Variants in CADM2 observed in about 807,000 individuals in gnomAD.
CADM2 encodes cell adhesion molecule 2.
In CADM2, 12 loss-of-function variants were observed where a neutral mutation model predicts 49.8. The ratio of observed to expected loss-of-function variants is 0.24; its 90% CI spans 0.15 to 0.39. CADM2 has a LOEUF of 0.39. Among genes scored for constraint, CADM2 ranks in the 10% least tolerant of loss-of-function variants. The pLI is 1.00. For synonymous variants in CADM2, 214 were observed against 175.4 expected, an observed-to-expected ratio of 1.22 and a Z score of -1.74; for missense variants, 378 against 492.3, an observed-to-expected ratio of 0.77 and a Z score of 2.20.
chr3:85,276,162 A>G (rs1367269276), intron 1 of CADM2, among the ~76,000 whole-genome samples: 2 of 151,286 alleles, frequency 1.3e-5, no homozygotes, highest in Non-Finnish European at 3.0e-5. Flanking sequence ...TAAAACAAAA[A>G]CAAGCCATTA....
intron 1 of CADM2, among the ~76,000 whole-genome samples, chr3:85,425,328 T>C (rs1287565189): frequency 1.3e-5 from 2 of 152,248 alleles, no homozygotes; most frequent in Non-Finnish European, 2.9e-5. Flanking sequence ...TTTTATCTTG[T>C]TCACATGAAC....
At chr3:85,253,740 A>T (rs1292131804) in intron 1 of CADM2, among the ~76,000 whole-genome samples, 4 of 152,152 alleles carry the variant, frequency 2.6e-5, no homozygotes, top group Non-Finnish European at 5.9e-5. Flanking sequence ...TATGTAAATT[A>T]GGAATAAGGG....
chr3:85,291,186 T>C (rs372906031), intron 1 of CADM2, among the ~76,000 whole-genome samples: 100 of 152,052 alleles, frequency 6.6e-4, no homozygotes, highest in Middle Eastern at 3.4e-3. Flanking sequence ...GAAAGGGTAT[T>C]AGCAATGGAA....
At chr3:85,449,080 A>AATAATAATAAT (rs1443044071) in intron 1 of CADM2, among the ~76,000 whole-genome samples, 1 of 147,768 alleles carries the variant, frequency 6.8e-6, no homozygotes, top group South Asian at 2.1e-4. Flanking sequence ...TAATAATGAT[A>AATAATAATAAT]AAAATTATAT....
chr3:85,691,728 A>G (rs1024051422), intron 1 of CADM2, among the ~76,000 whole-genome samples: 3 of 152,206 alleles, frequency 2.0e-5, no homozygotes, highest in Admixed American at 6.5e-5. Flanking sequence ...ACCAACCCAA[A>G]TGTCCAACAA....
chr3:85,290,815 A>G (rs1354027970), intron 1 of CADM2, among the ~76,000 whole-genome samples: 4 of 152,230 alleles, frequency 2.6e-5, no homozygotes, highest in African/African-American at 9.6e-5. Context: ...GACCAAAAGT[A>G]GATAAAACCA....
intron 1 of CADM2, among the ~76,000 whole-genome samples, chr3:85,223,643 G>A (rs908278687): frequency 1.6e-4 from 25 of 152,004 alleles, no homozygotes; most frequent in African/African-American, 5.8e-4. Context: ...TGGGGTACAT[G>A]TGCACAACAT....
chr3:85,557,057 A>T (rs2061977090), intron 1 of CADM2, among the ~76,000 whole-genome samples: 1 of 152,046 alleles, frequency 6.6e-6, no homozygotes, highest in Admixed American at 6.6e-5. Flanking sequence ...AGAAAAGGAG[A>T]TCAGTTATGG....
chr3:85,871,175 A>T (rs746379717), intron 3 of CADM2, among the ~76,000 whole-genome samples: 1 of 152,190 alleles, frequency 6.6e-6, no homozygotes, highest in Non-Finnish European at 1.5e-5. Flanking sequence ...ACTATAAGGA[A>T]CTTAAATTTA....
intron 8 of CADM2, chr3:85,979,398 T>A: frequency 1.7e-6 from 2 of 1,194,452 alleles, no homozygotes; most frequent in South Asian, 1.8e-5. Flanking sequence ...GAGAAGTAAT[T>A]AAGTCACCTA....
intron 1 of CADM2, among the ~76,000 whole-genome samples, chr3:85,258,044 G>A (rs2042929568): frequency 1.3e-5 from 2 of 152,002 alleles, no homozygotes; most frequent in African/African-American, 4.8e-5. Context: ...AAATGTACAA[G>A]TGCAAAAAAG....
rs2061298052 is a variant in CADM2 at position 85,531,023 on chromosome 3, A to AT, written c.62-195497dup. ...CCCTCTCCATCAGAATACTTTGAAA[A>AT]TTGTGTATGAAAGCTTCTACTCAGT... On this transcript the variant is annotated intron_variant, in intron 1 of 9. Coordinates refer to ENST00000383699, the MANE Select transcript of CADM2 (RefSeq NM_001167675.2). 5.3e-5 allele frequency among the ~76,000 whole-genome samples: 8 copies of AT among 152,188 alleles called. No homozygotes were observed. In the South Asian group the frequency reaches 1.5e-3, roughly 28 times the overall value.
intron 5 of CADM2, among the ~76,000 whole-genome samples, chr3:85,898,462 ACT>A (rs1715577293): frequency 6.6e-6 from 1 of 151,764 alleles, no homozygotes; most frequent in African/African-American, 2.4e-5. Flanking sequence ...TTCTCTGCCC[ACT>A]CTCTACCTCA....
intron 1 of CADM2, among the ~76,000 whole-genome samples, chr3:85,331,463 A>T (rs968481073): frequency 6.6e-6 from 1 of 151,690 alleles, no homozygotes; most frequent in African/African-American, 2.4e-5. Flanking sequence ...TGGTTTTCTC[A>T]TGACTCTATT....
chr3:85,684,502 A>C (rs2066144446), intron 1 of CADM2, among the ~76,000 whole-genome samples: 1 of 152,142 alleles, frequency 6.6e-6, no homozygotes. Context: ...TGGTTCAAAG[A>C]CATTTGGACA....
chr3:86,018,443 G>T (rs1732626918), intron 8 of CADM2, among the ~76,000 whole-genome samples: 3 of 151,692 alleles, frequency 2.0e-5, no homozygotes, highest in Admixed American at 2.0e-4. Context: ...GATCCCTGAG[G>T]AATCGCCACA....
At chr3:85,648,322 A>G (rs1236809960) in intron 1 of CADM2, among the ~76,000 whole-genome samples, 2 of 151,858 alleles carry the variant, frequency 1.3e-5, no homozygotes, top group East Asian at 3.9e-4. Context: ...TGATGTTTTA[A>G]TTGTCCTCTT....
intron 1 of CADM2, among the ~76,000 whole-genome samples, chr3:85,431,438 A>G (rs967187489): frequency 9.2e-5 from 14 of 152,132 alleles, no homozygotes; most frequent in African/African-American, 3.4e-4. Flanking sequence ...CAAAATTAGG[A>G]TAATAACACC....
At chr3:85,083,661 A>G (rs954423919) in intron 1 of CADM2, among the ~76,000 whole-genome samples, 7 of 152,168 alleles carry the variant, frequency 4.6e-5, no homozygotes, top group African/African-American at 1.7e-4. Flanking sequence ...ACTAAAAGCC[A>G]CAATAATAAA....
Sources: allele counts gnomAD v4.1 joint callset (sites outside exome capture counted in the v4.1 genomes callset), GRCh38; gene constraint gnomAD v4.1.1; transcripts MANE v1.5; gene names NCBI Gene and HGNC (gene_info 2026-07-23, HGNC 2026-07-21).